Variants in VPS45 observed in about 807,000 individuals in gnomAD.
The protein encoded by VPS45 is vacuolar protein sorting-associated protein 45.
A neutral mutation model predicts 75.9 loss-of-function variants in VPS45; 35 were observed. The observed-to-expected ratio is 0.46, with a 90% CI of 0.35 to 0.61. The LOEUF (loss-of-function observed/expected upper bound fraction) is 0.61. Among genes scored for constraint, VPS45 ranks in the 20% least tolerant of loss-of-function variants. The pLI is 0.00. For missense variants in VPS45, 559 were observed against 685.9 expected (o/e 0.81, Z 2.07); for synonymous variants, 220 against 238.2 (o/e 0.92, Z 0.70).
chr1:150,084,758 T>C (rs1334399124), intron 10 of VPS45, among the ~76,000 whole-genome samples: 2 of 152,168 alleles, frequency 1.3e-5, no homozygotes, highest in Admixed American at 6.5e-5. Flanking sequence ...CTACCTCTCC[T>C]TACCAAAGTT....
rs879951609 is a variant in VPS45, at chr1:150,114,596, T to A, written c.1625+3969T>A. Among the ~76,000 whole-genome samples, 339 of 147,970 alleles carry A rather than the reference T, an allele frequency of 2.3e-3. 14 individuals are homozygous for A. The highest frequency in any genetic ancestry group is 7.0e-3 in the Middle Eastern group (2 of 284). On this transcript the variant is annotated intron_variant, in intron 14 of 14. Coordinates refer to ENST00000644510, the MANE Select transcript of VPS45 (RefSeq NM_007259.5). ...TCTGTTTCTAAAAAAAAAAAAAAGGTAAAATTAGCTGGGCATGGACTAGGC... is the reference window on the plus strand; with the variant it reads ...TCTGTTTCTAAAAAAAAAAAAAAGGAAAAATTAGCTGGGCATGGACTAGGC...
chr1:150,140,386 GGT>G (rs574312693), intron 14 of VPS45, among the ~76,000 whole-genome samples: 10,187 of 140,158 alleles, frequency 0.073, 434 homozygotes, highest in East Asian at 0.11. Context: ...CATCACTTCT[GGT>G]GTGTGTGTGT....
At chr1:150,108,719 C>T (rs1242494429) in intron 13 of VPS45, among the ~76,000 whole-genome samples, 1 of 152,160 alleles carries the variant, frequency 6.6e-6, no homozygotes, top group Non-Finnish European at 1.5e-5. Flanking sequence ...AACTGTTCTA[C>T]CTCACCCATC....
chr1:150,136,211 T>C (rs1659084489), intron 14 of VPS45, among the ~76,000 whole-genome samples: 1 of 130,154 alleles, frequency 7.7e-6, no homozygotes, highest in Non-Finnish European at 1.6e-5. Flanking sequence ...ATCGTCCCAC[T>C]GCACTCCAGC....
intron 3 of VPS45, 72 bp from the exon 4 acceptor site, chr1:150,076,161 C>T (rs1655369642): frequency 8.8e-7 from 1 of 1,132,494 alleles, no homozygotes; most frequent in South Asian, 1.9e-5. Context: ...TAGGCTTTAA[C>T]TATCAGGCCC....
At chr1:150,117,051 A>T (rs2101621420) in intron 14 of VPS45, among the ~76,000 whole-genome samples, 1 of 152,130 alleles carries the variant, frequency 6.6e-6, no homozygotes, top group African/African-American at 2.4e-5. Flanking sequence ...AAATACAAAA[A>T]TTAGCTGGGC....
intron 14 of VPS45, among the ~76,000 whole-genome samples, chr1:150,131,485 T>G (rs1658833503): frequency 1.3e-5 from 2 of 152,048 alleles, no homozygotes; most frequent in Admixed American, 1.3e-4. Context: ...CACTCCAGCC[T>G]GGGCAACAAG....
chr1:150,129,703 G>A (rs902027344), intron 14 of VPS45, among the ~76,000 whole-genome samples: 4 of 151,734 alleles, frequency 2.6e-5, no homozygotes, highest in Admixed American at 6.6e-5. Flanking sequence ...GGGACTACAC[G>A]CTACCACACC....
At chr1:150,120,717 T>C (rs181014370) in intron 14 of VPS45, among the ~76,000 whole-genome samples, 85 of 152,314 alleles carry the variant, frequency 5.6e-4, no homozygotes, top group Admixed American at 1.2e-3. Flanking sequence ...CGTAGTTGTA[T>C]GATTTGTTTC....
intron 9 of VPS45, among the ~76,000 whole-genome samples, 192 bp from the exon 10 acceptor site, chr1:150,082,524 A>AAC (rs2101537871): frequency 2.0e-5 from 3 of 151,650 alleles, no homozygotes; most frequent in African/African-American, 7.3e-5. Flanking sequence ...CAAAAAAAAA[A>AAC]AAAAACTCAG....
intron 3 of VPS45, among the ~76,000 whole-genome samples, chr1:150,075,310 C>T (rs1373030027): frequency 2.6e-5 from 4 of 152,064 alleles, no homozygotes; most frequent in African/African-American, 9.7e-5. Flanking sequence ...TTTCCACAGA[C>T]TGGATCTTGC....
intron 14 of VPS45, among the ~76,000 whole-genome samples, chr1:150,129,615 A>AGTGGT (rs1658710117): frequency 6.6e-6 from 1 of 152,016 alleles, no homozygotes. Flanking sequence ...GCTGGAGTGC[A>AGTGGT]GTGACACCAC....
chr1:150,121,006 T>C (rs1553809456), intron 14 of VPS45, among the ~76,000 whole-genome samples: 1 of 151,762 alleles, frequency 6.6e-6, no homozygotes, highest in East Asian at 1.9e-4. Flanking sequence ...TAGCTGGGAC[T>C]ACAGGTGCCC....
At position 150,082,616 on chromosome 1, in the gene VPS45, G is replaced by A. The variant is rs1026597138; in HGVS notation, c.937-100G>A. 1.3e-5 allele frequency: 18 copies of A among 1,436,860 alleles called. No homozygotes were observed. In the African/African-American group the frequency reaches 2.3e-4, roughly 18 times the overall value. The allele number at this position is 1,436,860 out of a possible 1,614,324, so 89.0% of individuals were successfully genotyped here. On this transcript the variant is annotated intron_variant, in intron 9 of 14. Coordinates refer to ENST00000644510, the MANE Select transcript of VPS45 (RefSeq NM_007259.5). ...GAAAGTTGTAGATGCTTTAATCTGG[G>A]CTGAAAAACAACCCCCGCTTTCCCC...
intron 3 of VPS45, among the ~76,000 whole-genome samples, chr1:150,072,434 G>A (rs1198688995): frequency 2.6e-5 from 4 of 152,020 alleles, no homozygotes; most frequent in East Asian, 1.9e-4. Context: ...AGGCCAAGGC[G>A]GGCGGATCAT....
intron 14 of VPS45, chr1:150,142,896 A>C (rs1553815668): frequency 2.2e-6 from 1 of 446,404 alleles, no homozygotes; most frequent in South Asian, 1.6e-5. Context: ...CAAGCGATCC[A>C]CCCGCCTCAG....
rs1248814050 is a variant in VPS45 at position 150,075,338 on chromosome 1, G to A, written c.290-895G>A. 2.6e-5 allele frequency among the ~76,000 whole-genome samples: 4 copies of A among 151,724 alleles called. No individual in the cohort carries two copies. In the East Asian group the frequency reaches 5.8e-4, roughly 22 times the overall value. On this transcript the variant is annotated intron_variant, in intron 3 of 14. Coordinates refer to ENST00000644510, the MANE Select transcript of VPS45 (RefSeq NM_007259.5). ...GATCTTGCTGATTGCATCCCCAGGGGGTAGTTTAACATGTTCCTTGAAGTT... is the reference window on the plus strand; with the variant it reads ...GATCTTGCTGATTGCATCCCCAGGGAGTAGTTTAACATGTTCCTTGAAGTT...
At chr1:150,095,033 G>A (rs1485475495) in intron 13 of VPS45, among the ~76,000 whole-genome samples, 1 of 152,144 alleles carries the variant, frequency 6.6e-6, no homozygotes, top group Non-Finnish European at 1.5e-5. Flanking sequence ...CAGTTGCTTT[G>A]TCCTTTTACA....
In VPS45 at chr1:150,077,145, G is replaced by T; in HGVS notation, c.490G>T (p.Ala164Ser). 6.2e-7 allele frequency: 1 copy of T among 1,614,098 alleles called. No homozygotes were observed. The highest frequency in any genetic ancestry group is 8.5e-7 in the Non-Finnish European group (1 of 1,180,016). The change falls in exon 6 of 15, where the codon GCT (alanine) becomes TCT (serine). Residue 164 changes from alanine to serine, a missense_variant. By Grantham distance (99) the Ala-to-Ser change is moderately conservative. Transcript: ENST00000644510. ...ATCTAGAACAACTCAAGGGCTTACA[G>T]CTCTCCTTTTATCTCTGAAGAAGTG... ...QLSRTTQGLT[A>S]LLLSLKKCPM...
Sources: allele counts gnomAD v4.1 joint callset (sites outside exome capture counted in the v4.1 genomes callset), GRCh38; gene constraint gnomAD v4.1.1; transcripts MANE v1.5; gene names NCBI Gene and HGNC (gene_info 2026-07-23, HGNC 2026-07-21).